The following NF1 variants were observed in gnomAD, a reference collection of about 807,000 sequenced individuals.
The protein encoded by NF1 is neurofibromin.
NF1 carries 122 observed loss-of-function variants against 325.7 expected under a neutral mutation model. The ratio of observed to expected loss-of-function variants is 0.37; its 90% CI spans 0.32 to 0.44. NF1 has a LOEUF of 0.44. NF1 is among the 20% of genes least tolerant of loss of function. NF1 has a pLI of 1.00. For missense variants in NF1, 2,140 were observed against 3,415.4 expected (o/e 0.63, Z 9.31); for synonymous variants, 1,091 against 1,186.0 (o/e 0.92, Z 1.65).
At chr17:31,100,717 A>T (rs34494243) in intron 1 of NF1, among the ~76,000 whole-genome samples, 1 of 151,974 alleles carries the variant, frequency 6.6e-6, no homozygotes, top group Non-Finnish European at 1.5e-5. Flanking sequence ...CTACAGGCGC[A>T]TGCCACCACG....
chr17:31,234,756 G>A (rs1456283245), intron 27 of NF1, among the ~76,000 whole-genome samples: 1 of 150,982 alleles, frequency 6.6e-6, no homozygotes, highest in Non-Finnish European at 1.5e-5. Flanking sequence ...ACTTTGAGAA[G>A]GAATTTTCTG....
intron 1 of NF1, among the ~76,000 whole-genome samples, chr17:31,110,936 G>T (rs1913349830): frequency 6.6e-6 from 1 of 151,958 alleles, no homozygotes; most frequent in Non-Finnish European, 1.5e-5. Flanking sequence ...TAAATTTAAT[G>T]TATACTATTT....
intron 36 of NF1, chr17:31,304,269 C>A: frequency 6.2e-7 from 1 of 1,602,286 alleles, no homozygotes; most frequent in Non-Finnish European, 8.5e-7. Context: ...ATATTTATAA[C>A]AGTTCTGCAG....
intron 36 of NF1, among the ~76,000 whole-genome samples, chr17:31,283,143 C>T (rs1055675870): frequency 3.3e-5 from 5 of 152,136 alleles, no homozygotes; most frequent in South Asian, 2.1e-4. Context: ...TAAGTCCGGA[C>T]GCAGTGGATC....
chr17:31,311,316 C>G (rs2068870164), intron 36 of NF1, among the ~76,000 whole-genome samples: 1 of 151,726 alleles, frequency 6.6e-6, no homozygotes, highest in South Asian at 2.1e-4. Flanking sequence ...AAAATTGATG[C>G]TGTTAAGTTG....
In NF1 at chr17:31,304,768, G is replaced by A. The variant is rs375337537; in HGVS notation, c.4836-21052G>A. On this transcript the variant is annotated intron_variant, in intron 36 of 57. Coordinates refer to ENST00000358273, the MANE Select transcript of NF1 (RefSeq NM_001042492.3). Reference sequence around the variant, plus strand: ...AATTTCTAAGTCATCTGCTAAAAGTGTGCTTTTGCTTGGTTTCCAGGGTGT... The same window carrying A: ...AATTTCTAAGTCATCTGCTAAAAGTATGCTTTTGCTTGGTTTCCAGGGTGT... 1.6e-5 allele frequency: 26 copies of A among 1,614,006 alleles called. 1 individual carries two copies. Among genetic ancestry groups the A allele is most frequent in the African/African-American group, 4.0e-5 (3 of 74,914 alleles).
In NF1 at chr17:31,376,529, G is replaced by T. The variant is rs2070733689; in HGVS notation, c.*2374G>T. 1 of 232,694 alleles carries T rather than the reference G, an allele frequency of 4.3e-6. No homozygotes were observed. The highest frequency in any genetic ancestry group is 6.1e-5 in the East Asian group (1 of 16,504). 14.4% of individuals were successfully genotyped at this position (232,694 alleles called of 1,614,324 possible). On this transcript the variant is annotated 3_prime_UTR_variant, in exon 58 of 58. Coordinates refer to ENST00000358273, the MANE Select transcript of NF1 (RefSeq NM_001042492.3). ...CTTGTTTAAAGAACTTCTGACTTTT[G>T]AGGAAAATCTAGCTTTCCAAGTAAC...
intron 5 of NF1, among the ~76,000 whole-genome samples, chr17:31,179,587 C>T (rs200610484): frequency 8.5e-5 from 13 of 152,134 alleles, no homozygotes; most frequent in East Asian, 1.9e-4. Flanking sequence ...CGTGATCCGC[C>T]GCCTTGGCCT....
chr17:31,366,347 G>A (rs987279068), intron 57 of NF1, among the ~76,000 whole-genome samples: 4 of 152,070 alleles, frequency 2.6e-5, no homozygotes, highest in Admixed American at 6.5e-5. Context: ...TTAGTTCATC[G>A]TTACTTTAGA....
intron 5 of NF1, among the ~76,000 whole-genome samples, chr17:31,172,379 C>G (rs1300157837): frequency 6.6e-6 from 1 of 151,730 alleles, no homozygotes; most frequent in East Asian, 1.9e-4. Flanking sequence ...CTCTTTCTCT[C>G]TTTCTCTCGA....
intron 36 of NF1, chr17:31,295,500 A>G (rs1301262669): frequency 6.2e-7 from 1 of 1,614,180 alleles, no homozygotes; most frequent in South Asian, 1.1e-5. Flanking sequence ...CTTACAGTGA[A>G]TAAGCTTGAG....
chr17:31,183,109 G>T (rs374683851), intron 8 of NF1: 25 of 358,762 alleles, frequency 7.0e-5, no homozygotes, highest in African/African-American at 2.7e-4. Flanking sequence ...AAAGAATTTT[G>T]CCAGGAAGGT....
At chr17:31,318,682 T>A (rs775853553) in intron 36 of NF1, 2 of 1,614,172 alleles carry the variant, frequency 1.2e-6, no homozygotes, top group Admixed American at 3.3e-5. Flanking sequence ...GCTTGTGTTT[T>A]CAATGCTCTG....
At chr17:31,156,767 C>A (rs2065670782) in intron 2 of NF1, among the ~76,000 whole-genome samples, 1 of 152,250 alleles carries the variant, frequency 6.6e-6, no homozygotes, top group South Asian at 2.1e-4. Context: ...TCCTAGACTT[C>A]AGAGTACTCC....
chr17:31,227,708 G>A (rs2067041442), intron 20 of NF1, 102 bp downstream of exon 20: 1 of 988,358 alleles, frequency 1.0e-6, no homozygotes. Flanking sequence ...TAAACATATA[G>A]CTGTGTGAAG....
chr17:31,295,926 C>T, intron 36 of NF1: 2 of 1,614,056 alleles, frequency 1.2e-6, no homozygotes, highest in Non-Finnish European at 1.7e-6. Context: ...ACAACCTTTT[C>T]CAGCATGTTC....
chr17:31,281,290 T>C (rs2068113886), intron 36 of NF1, among the ~76,000 whole-genome samples: 1 of 152,220 alleles, frequency 6.6e-6, no homozygotes, highest in Non-Finnish European at 1.5e-5. Flanking sequence ...TTATGACACA[T>C]TGTTGAAGGT....
intron 14 of NF1, among the ~76,000 whole-genome samples, chr17:31,220,273 A>T (rs1459401514): frequency 6.6e-6 from 1 of 152,216 alleles, no homozygotes; most frequent in Non-Finnish European, 1.5e-5. Context: ...CATACCCAGT[A>T]AAAATGTTTA....
chr17:31,241,486 TC>T (rs1204808859), intron 29 of NF1, among the ~76,000 whole-genome samples: 1 of 152,228 alleles, frequency 6.6e-6, no homozygotes, highest in Non-Finnish European at 1.5e-5. Context: ...TGTGTTAATT[TC>T]TTGCTTTTTA....
Sources: gnomAD v4.1 joint callset for allele counts (sites outside exome capture counted in the v4.1 genomes callset) on GRCh38, gnomAD v4.1.1 for gene constraint, MANE v1.5 for transcripts, NCBI Gene and HGNC (gene_info 2026-07-23, HGNC 2026-07-21) for gene names.